Variants in AHNAK observed in about 807,000 individuals in gnomAD.
AHNAK encodes neuroblast differentiation-associated protein AHNAK.
Under a neutral mutation model 37.8 loss-of-function variants are expected in AHNAK, and 23 were observed. The observed-to-expected ratio is 0.61, with a 90% CI of 0.44 to 0.86. The LOEUF (loss-of-function observed/expected upper bound fraction) is 0.86, where lower values mean the gene tolerates loss of function less well. AHNAK is among the 40% of genes least tolerant of loss of function. The probability of loss-of-function intolerance (pLI) is 0.00; values close to 1 mark genes in which losing one functional copy is unlikely to be tolerated. For synonymous variants in AHNAK, 2,481 were observed against 2,636.3 expected (o/e 0.94, Z 1.80); for missense variants, 7,411 against 7,319.4 (o/e 1.01, Z -0.46).
chr11:62,535,170 T>C lies in AHNAK; in HGVS notation c.175A>G (p.Thr59Ala). ...VKEGDQIVGA[T>A]IYFDNLQSGE... ...GACTGCAGGTTGTCAAAGTAGATGGTGGCACCCACAATCTGGTCCCCTGAG... is the reference window on the plus strand; with the variant it reads ...GACTGCAGGTTGTCAAAGTAGATGGCGGCACCCACAATCTGGTCCCCTGAG... Residue 59 changes from threonine to alanine, a missense_variant, in exon 4 of 5, where the codon ACC (threonine) becomes GCC (alanine). Transcript: ENST00000378024. 1 of 1,611,204 alleles carries C rather than the reference T, an allele frequency of 6.2e-7. No individual in the cohort carries two copies. The highest frequency in any genetic ancestry group is 8.5e-7 in the Non-Finnish European group (1 of 1,177,562).
chr11:62,503,759 C>G (rs1007310137), intron 4 of AHNAK, among the ~76,000 whole-genome samples: 1 of 152,148 alleles, frequency 6.6e-6, no homozygotes, highest in African/African-American at 2.4e-5. Flanking sequence ...TTTTTAGACA[C>G]AATAATTACT....
intron 5 of AHNAK, among the ~76,000 whole-genome samples, chr11:62,447,795 T>A (rs1938447817): frequency 7.1e-6 from 1 of 141,688 alleles, no homozygotes. Flanking sequence ...CATCTACCTG[T>A]TTGTCAACTC....
intron 4 of AHNAK, 141 bp from the exon 5 acceptor site, chr11:62,534,215 G>T: frequency 1.3e-6 from 1 of 770,198 alleles, no homozygotes; most frequent in Non-Finnish European, 2.0e-6. Flanking sequence ...GCCTCCTGGG[G>T]CACAGCACAG....
At chr11:62,487,125 T>C (rs1283707219) in intron 5 of AHNAK, among the ~76,000 whole-genome samples, 1 of 152,224 alleles carries the variant, frequency 6.6e-6, no homozygotes, top group African/African-American at 2.4e-5. Context: ...GGTGACAGCT[T>C]AGGTGACCAG....
intron 1 of AHNAK, among the ~76,000 whole-genome samples, chr11:62,539,379 C>T (rs1175162182): frequency 6.6e-6 from 1 of 152,244 alleles, no homozygotes; most frequent in African/African-American, 2.4e-5. Flanking sequence ...GGTGCTGTGC[C>T]AGCAGCCAGC....
Position 62,519,573 on chromosome 11 carries a change from T to G in AHNAK, c.14844A>C (p.Lys4948Asn), listed in dbSNP as rs750524537. The part of the protein sequence containing the change: ...EGGEVDLKGP[K>N]VEAPSLDVHM... Reference sequence around the variant, plus strand: ...GTACATCTAAGCTTGGAGCTTCAACTTTGGGTCCCTTGAGGTCCACTTCAC... The same window carrying G: ...GTACATCTAAGCTTGGAGCTTCAACGTTGGGTCCCTTGAGGTCCACTTCAC... The change falls in exon 5 of 5, where the codon AAA becomes AAC. Residue 4948 changes from lysine (K) to asparagine (N), a missense_variant. Physicochemically the swap from Lys to Asn is moderately conservative, Grantham distance 94 (BLOSUM62 0). Coordinates refer to ENST00000378024, the MANE Select transcript of AHNAK (RefSeq NM_001620.3). 1.2e-6 allele frequency: 2 copies of G among 1,611,720 alleles called. No individual in the cohort carries two copies. The highest frequency in any genetic ancestry group is 1.7e-6 in the Non-Finnish European group (2 of 1,178,934).
rs746242167 is a variant in AHNAK, at chr11:62,516,696, C to T, written c.*48G>A. On this transcript the variant is annotated 3_prime_UTR_variant, in exon 5 of 5. Transcript: ENST00000378024. ...TTATATAGGAACACACCACCCAAGG[C>T]TGATGTTTTGTTATATATATATATA... 34 of 1,535,002 alleles carry T rather than the reference C, an allele frequency of 2.2e-5. 1 individual carries two copies. In the Admixed American group the frequency reaches 7.4e-4, roughly 33 times the overall value.
Position 62,521,088 on chromosome 11 carries a change from C to T in AHNAK, c.13329G>A (p.Lys4443=), listed in dbSNP as rs1940221228. The T allele has an allele frequency of 6.2e-7, 1 of 1,613,892 alleles. No homozygotes were observed. The highest frequency in any genetic ancestry group is 1.7e-5 in the Admixed American group (1 of 59,966). Residue 4443 remains lysine (K), a synonymous_variant, in exon 5 of 5, where the codon AAG becomes AAA. Transcript: ENST00000378024. ...TCTCAGGCATCTTAAATTTGGGCCCCTTCAATTTTCCTTCCGGACCTTCAA... is the reference window on the plus strand; with the variant it reads ...TCTCAGGCATCTTAAATTTGGGCCCTTTCAATTTTCCTTCCGGACCTTCAA... ...VNIEGPEGKL[K]GPKFKMPEMN... is the part of the protein sequence containing the mutation.
chr11:62,524,629 T>A lies in AHNAK; in HGVS notation c.9788A>T (p.Asp3263Val). Residue 3263 changes from aspartate to valine, a missense_variant, in exon 5 of 5, where the codon GAT (aspartate) becomes GTT (valine). Coordinates refer to ENST00000378024, the MANE Select transcript of AHNAK (RefSeq NM_001620.3). Reference sequence around the variant, plus strand: ...GCCATGAATGTCAATATCTGGAGCATCTACATCTATCTTTGGGCCTTTTAT... The same window carrying A: ...GCCATGAATGTCAATATCTGGAGCAACTACATCTATCTTTGGGCCTTTTAT... ...LDIKGPKIDV[D>V]APDIDIHGPD... 6.2e-7 allele frequency: 1 copy of A among 1,614,216 alleles called. No individual in the cohort carries two copies. The highest frequency in any genetic ancestry group is 8.5e-7 in the Non-Finnish European group (1 of 1,180,026).
In AHNAK at chr11:62,516,902, T is replaced by C; in HGVS notation, c.17515A>G (p.Thr5839Ala). Residue 5839 changes from threonine (T) to alanine (A), a missense_variant, in exon 5 of 5, where the codon ACT (threonine) becomes GCT (alanine). Coordinates refer to ENST00000378024, the MANE Select transcript of AHNAK (RefSeq NM_001620.3). ...TTGCCTGTCTCATCATCGCTCCCAG[T>C]CACCTCATAATGACCTTTGCTCTTT... ...GSKSKGHYEV[T>A]GSDDETGKLQ... 3 of 1,614,112 alleles carry C rather than the reference T, an allele frequency of 1.9e-6. No homozygotes were observed. Among genetic ancestry groups the C allele is most frequent in the Non-Finnish European group, 2.5e-6 (3 of 1,180,010 alleles).
At position 62,518,281 on chromosome 11, in the gene AHNAK, T is replaced by G; in HGVS notation, c.16136A>C (p.Asp5379Ala). The change falls in exon 5 of 5, where the codon GAC becomes GCC. Residue 5379 changes from aspartate to alanine, a missense_variant. Physicochemically the swap from Asp to Ala is moderately radical, Grantham distance 126 (BLOSUM62 -2). Transcript: ENST00000378024. ...SLQGDLAVSG[D>A]IKCPKVSVGA... ...TACGGATACTTTAGGGCATTTGATG[T>G]CACCAGAGACAGCCAGATCTCCCTG... 1 of 1,614,214 alleles carries G rather than the reference T, an allele frequency of 6.2e-7. No individual in the cohort carries two copies. Among genetic ancestry groups the G allele is most frequent in the Non-Finnish European group, 8.5e-7 (1 of 1,180,028 alleles).
chr11:62,500,523 C>T (rs2134173647), intron 4 of AHNAK, among the ~76,000 whole-genome samples: 2 of 152,298 alleles, frequency 1.3e-5, no homozygotes, highest in Middle Eastern at 3.4e-3. Context: ...AACCTACGTG[C>T]TGTCCCTCAG....
downstream of AHNAK, among the ~76,000 whole-genome samples, chr11:62,515,026 C>T (rs1939982172): frequency 6.6e-6 from 1 of 152,136 alleles, no homozygotes; most frequent in Non-Finnish European, 1.5e-5. Context: ...GGGGGACAAG[C>T]TTGGTCCAAG....
At chr11:62,491,686 T>C (rs1422979865) in intron 5 of AHNAK, 2 of 1,525,152 alleles carry the variant, frequency 1.3e-6, no homozygotes, top group Admixed American at 3.8e-5. Flanking sequence ...GGTATCATTA[T>C]CATAATCAAG....
chr11:62,461,817 G>A (rs1351645774), intron 5 of AHNAK, among the ~76,000 whole-genome samples: 3 of 125,442 alleles, frequency 2.4e-5, no homozygotes, highest in East Asian at 2.2e-4. Context: ...AGAGCGAAAC[G>A]ACATCTCAAA....
chr11:62,475,905 A>G (rs147621731), intron 5 of AHNAK, among the ~76,000 whole-genome samples: 230 of 152,204 alleles, frequency 1.5e-3, no homozygotes, highest in African/African-American at 4.0e-3. Context: ...GCCCCCGGCT[A>G]TATATCACTT....
In AHNAK at chr11:62,523,247, A is replaced by G. The variant is rs11231128; in HGVS notation, c.11170T>C (p.Ser3724Pro). The G allele has an allele frequency of 0.031, 50,123 of 1,609,238 alleles. 1,096 individuals carry two copies. Among genetic ancestry groups the G allele is most frequent in the African/African-American group, 0.11 (7,892 of 73,138 alleles). The change falls in exon 5 of 5, where the codon TCA (serine) becomes CCA (proline). Residue 3724 changes from serine to proline, a missense_variant. By Grantham distance (74) the Ser-to-Pro change is moderately conservative (BLOSUM62 -1). Transcript: ENST00000378024. ...TTGGGTCCCTTGAATTTACCCTCTG[A>G]GCCTTCGATGTTAATGTCAGGAGTG... Reference protein sequence around the residue: ...IDTPDINIEGSEGKFKGPKFK... With the variant: ...IDTPDINIEGPEGKFKGPKFK...
intron 5 of AHNAK, among the ~76,000 whole-genome samples, chr11:62,439,008 G>A (rs905336229): frequency 6.6e-6 from 1 of 151,902 alleles, no homozygotes; most frequent in African/African-American, 2.4e-5. Flanking sequence ...AATCCCACAG[G>A]AGCGGCCCTT....
At chr11:62,492,089 C>G (rs1939514188) in intron 4 of AHNAK, among the ~76,000 whole-genome samples, 1 of 152,102 alleles carries the variant, frequency 6.6e-6, no homozygotes, top group Non-Finnish European at 1.5e-5. Flanking sequence ...GAATCTCACA[C>G]AAAGGGGACA....
Sources: allele counts gnomAD v4.1 joint callset (sites outside exome capture counted in the v4.1 genomes callset), GRCh38; gene constraint gnomAD v4.1.1; transcripts MANE v1.5; gene names NCBI Gene and HGNC (gene_info 2026-07-23, HGNC 2026-07-21).